FAM234B: variants seen among roughly 807,000 people sequenced by gnomAD.
FAM234B encodes the protein family with sequence similarity 234 member B.
Under a neutral mutation model 69.3 loss-of-function variants are expected in FAM234B, and 33 were observed. The observed-to-expected ratio is 0.48, with a 90% CI of 0.36 to 0.64. FAM234B has a LOEUF of 0.64. Ranked by LOEUF, FAM234B falls within the 30% of genes least tolerant of loss-of-function variation. The pLI is 0.00. For missense variants in FAM234B, 697 were observed against 769.7 expected (o/e 0.91, Z 1.12); for synonymous variants, 306 against 306.9 (o/e 1.00, Z 0.03).
At chr12:13,049,265 C>T (rs187012602) in intron 1 of FAM234B, among the ~76,000 whole-genome samples, 106 of 152,328 alleles carry the variant, frequency 7.0e-4, no homozygotes, top group African/African-American at 2.4e-3. Context: ...CTCTAACCTC[C>T]GCCTCCCAGG....
intron 3 of FAM234B, among the ~76,000 whole-genome samples, chr12:13,058,755 G>A (rs202224685): frequency 1.7e-3 from 254 of 152,298 alleles, no homozygotes; most frequent in African/African-American, 6.0e-3. Context: ...GTTAGAGCTG[G>A]AAGGAATTTT....
rs2120506115 is a variant in FAM234B, at chr12:13,076,116, A to G, written c.1615A>G (p.Thr539Ala). Residue 539 changes from threonine (T) to alanine (A), a missense_variant, in exon 11 of 13, where the codon ACC (threonine) becomes GCC (alanine). Physicochemically the swap from Thr to Ala is moderately conservative, Grantham distance 58. Around this residue, in one of 3 missense-constraint regions of FAM234B, gnomAD observed 313 missense variants for 305.5 expected, o/e 1.02. Coordinates refer to ENST00000197268, the MANE Select transcript of FAM234B (RefSeq NM_020853.2). ...FPSILLDLAN[T>A]TGTVTASEVG... ...CTCCATCCTTCTGGATCTGGCCAAC[A>G]CCACCGGCACAGTGACGGCTTCAGA... 4 of 1,613,926 alleles carry G rather than the reference A, an allele frequency of 2.5e-6. No individual in the cohort carries two copies. The highest frequency in any genetic ancestry group is 1.3e-5 in the African/African-American group (1 of 74,992).
At chr12:13,063,174 A>G (rs1184626300) in intron 5 of FAM234B, among the ~76,000 whole-genome samples, 199 bp downstream of exon 5, 4 of 152,186 alleles carry the variant, frequency 2.6e-5, no homozygotes, top group Non-Finnish European at 5.9e-5. Context: ...TCATGGCTCC[A>G]TGGACTGGGG....
chr12:13,046,979 A>G (rs1447562046), intron 1 of FAM234B, among the ~76,000 whole-genome samples: 2 of 152,190 alleles, frequency 1.3e-5, no homozygotes, highest in African/African-American at 4.8e-5. Context: ...GAAATAGTAA[A>G]GGAGATGGAT....
intron 4 of FAM234B, chr12:13,062,225 A>G (rs1864991581): frequency 1.3e-5 from 2 of 158,990 alleles, no homozygotes; most frequent in African/African-American, 2.4e-5. Flanking sequence ...AAAGGGAATG[A>G]AAAAGAATAA....
At chr12:13,069,013 AG>A (rs1369230939) in intron 9 of FAM234B, among the ~76,000 whole-genome samples, 1 of 152,220 alleles carries the variant, frequency 6.6e-6, no homozygotes, top group African/African-American at 2.4e-5. Flanking sequence ...ACAGGTATAA[AG>A]AAATGTAATG....
At chr12:13,056,047 C>A in intron 2 of FAM234B, 101 bp downstream of exon 2, 1 of 1,235,636 alleles carries the variant, frequency 8.1e-7, no homozygotes, top group Non-Finnish European at 1.1e-6. Context: ...ATGTGTCATG[C>A]GGCATTCCCC....
intron 2 of FAM234B, among the ~76,000 whole-genome samples, chr12:13,057,103 G>C (rs987880646): frequency 6.6e-6 from 1 of 151,216 alleles, no homozygotes; most frequent in Non-Finnish European, 1.5e-5. Flanking sequence ...TTAGCCTCCC[G>C]TGTAGCTGGG....
At chr12:13,077,541 G>C (rs530996821) in intron 11 of FAM234B, among the ~76,000 whole-genome samples, 1 of 151,212 alleles carries the variant, frequency 6.6e-6, no homozygotes, top group South Asian at 2.1e-4. Context: ...TTGTCCTTGC[G>C]ATAGTTTACT....
chr12:13,056,946 A>G (rs1358797324), intron 2 of FAM234B, among the ~76,000 whole-genome samples: 1 of 147,748 alleles, frequency 6.8e-6, no homozygotes, highest in Non-Finnish European at 1.5e-5. Context: ...TAAATTTTAC[A>G]TGAATTTAAT....
chr12:13,072,375 C>T (rs1865115283), intron 10 of FAM234B, among the ~76,000 whole-genome samples: 1 of 152,158 alleles, frequency 6.6e-6, no homozygotes, highest in Non-Finnish European at 1.5e-5. Context: ...AACATTTCAA[C>T]TTCCTCCCCA....
intron 1 of FAM234B, among the ~76,000 whole-genome samples, chr12:13,052,942 G>C (rs1327775128): frequency 1.3e-5 from 2 of 152,172 alleles, no homozygotes; most frequent in Non-Finnish European, 2.9e-5. Flanking sequence ...ATTATTATGT[G>C]TAGAGTTATC....
intron 9 of FAM234B, among the ~76,000 whole-genome samples, chr12:13,069,253 C>T (rs1346264524): frequency 6.6e-6 from 1 of 152,150 alleles, no homozygotes; most frequent in African/African-American, 2.4e-5. Flanking sequence ...CATGAAGTTG[C>T]ATATTGTGAG....
intron 5 of FAM234B, among the ~76,000 whole-genome samples, chr12:13,066,064 G>A (rs1340418621): frequency 1.3e-5 from 2 of 152,178 alleles, no homozygotes; most frequent in Admixed American, 1.3e-4. Flanking sequence ...ATTCATTTAT[G>A]TGTTATTTAT....
At position 13,068,664 on chromosome 12, in the gene FAM234B, A is replaced by C; in HGVS notation, c.1321A>C (p.Thr441Pro). ...PTPGYFTDDQ[T>P]LDFLLQIQDG... ...TCCTGGATATTTCACTGATGATCAGACATTAGATTTCCTTCTGCAGATACA... is the reference window on the plus strand; with the variant it reads ...TCCTGGATATTTCACTGATGATCAGCCATTAGATTTCCTTCTGCAGATACA... Residue 441 changes from threonine to proline, a missense_variant, in exon 9 of 13, where the codon ACA becomes CCA. Thr to Pro is a conservative substitution (Grantham distance 38). This residue lies in a region of FAM234B where 313 missense variants were observed against 305.5 expected (regional missense o/e 1.02). Transcript: ENST00000197268. 6.2e-7 allele frequency: 1 copy of C among 1,613,188 alleles called. No individual in the cohort carries two copies. The highest frequency in any genetic ancestry group is 8.5e-7 in the Non-Finnish European group (1 of 1,179,150).
At position 13,058,519 on chromosome 12, in the gene FAM234B, T is replaced by A; in HGVS notation, c.502T>A (p.Phe168Ile). 6.2e-7 allele frequency: 1 copy of A among 1,614,038 alleles called. No homozygotes were observed. Among genetic ancestry groups the A allele is most frequent in the Non-Finnish European group, 8.5e-7 (1 of 1,179,980 alleles). Residue 168 changes from phenylalanine to isoleucine, a missense_variant, in exon 3 of 13, where the codon TTT (phenylalanine) becomes ATT (isoleucine). Physicochemically the swap from Phe to Ile is conservative, Grantham distance 21. This residue lies in a region of FAM234B where 380 missense variants were observed against 447.1 expected (regional missense o/e 0.85). Coordinates refer to ENST00000197268, the MANE Select transcript of FAM234B (RefSeq NM_020853.2). ...TGGCCTGCGTGATGTGCTTCTCTCC[T>A]TTGTGATGTCAAGGAACGGGAGTGC... ...GDGLRDVLLS[F>I]VMSRNGSAVG...
chr12:13,075,644 C>T (rs1402388799), intron 10 of FAM234B, among the ~76,000 whole-genome samples: 1 of 139,094 alleles, frequency 7.2e-6, no homozygotes, highest in African/African-American at 2.7e-5. Context: ...TCGGTAGGGA[C>T]AGGGTTTCTC....
chr12:13,080,543 T>C (rs1865213430), intron 12 of FAM234B, 82 bp from the exon 13 acceptor site: 1 of 1,143,368 alleles, frequency 8.7e-7, no homozygotes, highest in African/African-American at 1.5e-5. Context: ...TAGAGAAATA[T>C]TCTGACCTTT....
intron 10 of FAM234B, among the ~76,000 whole-genome samples, chr12:13,073,389 T>G (rs989904643): frequency 3.3e-5 from 5 of 152,212 alleles, no homozygotes; most frequent in African/African-American, 1.2e-4. Flanking sequence ...GGAACTTTTG[T>G]TTTATAATTG....
Sources: allele counts gnomAD v4.1 joint callset (sites outside exome capture counted in the v4.1 genomes callset), GRCh38; gene constraint gnomAD v4.1.1; regional missense constraint gnomAD v4.1.1; transcripts MANE v1.5; gene names NCBI Gene and HGNC (gene_info 2026-07-23, HGNC 2026-07-21).